The following FAM53B variants were observed in gnomAD, a reference collection of about 807,000 sequenced individuals.
FAM53B encodes family with sequence similarity 53 member B.
Under a neutral mutation model 32.7 loss-of-function variants are expected in FAM53B, and 12 were observed. The ratio of observed to expected loss-of-function variants is 0.37; its 90% CI spans 0.24 to 0.59. The LOEUF is 0.59. Ranked by LOEUF, FAM53B falls within the 20% of genes least tolerant of loss-of-function variation. FAM53B has a pLI of 0.72. For synonymous variants in FAM53B, 234 were observed against 228.7 expected (o/e 1.02, Z -0.21); for missense variants, 477 against 577.7 (o/e 0.83, Z 1.79).
At chr10:124,666,100 C>CT (rs1228748292) in intron 4 of FAM53B, among the ~76,000 whole-genome samples, 1 of 152,224 alleles carries the variant, frequency 6.6e-6, no homozygotes, top group African/African-American at 2.4e-5. Context: ...TGCCTAGACT[C>CT]TGAGGGCCCA....
intron 1 of FAM53B, among the ~76,000 whole-genome samples, chr10:124,738,320 T>C (rs1002093600): frequency 7.2e-5 from 11 of 151,952 alleles, no homozygotes; most frequent in South Asian, 4.1e-4. Context: ...CTCTCCAAGA[T>C]TGTGATGTAA....
chr10:124,653,807 G>T (rs1201497354), intron 4 of FAM53B, among the ~76,000 whole-genome samples: 1 of 152,234 alleles, frequency 6.6e-6, no homozygotes, highest in Admixed American at 6.5e-5. Context: ...CTGGACAGAT[G>T]GGGGAGTCCA....
intron 4 of FAM53B, chr10:124,667,514 T>G (rs1949680526): frequency 7.0e-6 from 5 of 713,738 alleles, no homozygotes; most frequent in East Asian, 5.4e-5. Flanking sequence ...GGCCTGGCAC[T>G]CCACCTGTGT....
chr10:124,705,961 C>T (rs1451511358), intron 2 of FAM53B, among the ~76,000 whole-genome samples: 1 of 152,242 alleles, frequency 6.6e-6, no homozygotes. Flanking sequence ...CACAAGACTG[C>T]TTATGACTGA....
intron 4 of FAM53B, among the ~76,000 whole-genome samples, chr10:124,654,838 C>T (rs999990612): frequency 1.3e-5 from 2 of 152,198 alleles, no homozygotes; most frequent in African/African-American, 4.8e-5. Flanking sequence ...GAGGCCCCGG[C>T]GTGCCTCTGC....
intron 1 of FAM53B, among the ~76,000 whole-genome samples, chr10:124,726,464 C>A (rs1003509158): frequency 6.6e-6 from 1 of 152,176 alleles, no homozygotes; most frequent in Non-Finnish European, 1.5e-5. Flanking sequence ...ATGCCCTGAC[C>A]AGTAGGTGAG....
At chr10:124,707,909 C>T (rs1949972477) in intron 1 of FAM53B, 1 of 152,236 alleles carries the variant, frequency 6.6e-6, no homozygotes, top group African/African-American at 2.4e-5. Context: ...CCATTCTGCA[C>T]AGCCTATCCG....
At chr10:124,729,851 A>G (rs1950129806) in intron 1 of FAM53B, among the ~76,000 whole-genome samples, 1 of 151,646 alleles carries the variant, frequency 6.6e-6, no homozygotes, top group Non-Finnish European at 1.5e-5. Context: ...GGTCTGATGA[A>G]CTGGAGATCT....
At chr10:124,737,658 T>C (rs994336137) in intron 1 of FAM53B, among the ~76,000 whole-genome samples, 2 of 152,156 alleles carry the variant, frequency 1.3e-5, no homozygotes, top group Non-Finnish European at 2.9e-5. Context: ...CAAGAAGCTC[T>C]CACTCTCCAA....
Position 124,686,934 on chromosome 10 carries a change from C to G in FAM53B, c.134-4555G>C, listed in dbSNP as rs1168224401. Among the ~76,000 whole-genome samples the G allele has an allele frequency of 7.2e-5, 11 of 152,356 alleles. No individual in the cohort carries two copies. The East Asian group carries it at 2.1e-3, about 29-fold the overall frequency. On this transcript the variant is annotated intron_variant, in intron 3 of 4. Transcript: ENST00000337318. ...TGACTCAGCAAGGAGATGGGGTTGA[C>G]AGAGTCACGTCTAAAATACTTTGGA... is the stretch of plus-strand genomic sequence containing the variant.
chr10:124,730,776 CAT>C (rs1209133680), intron 1 of FAM53B, among the ~76,000 whole-genome samples: 1 of 152,222 alleles, frequency 6.6e-6, no homozygotes, highest in East Asian at 1.9e-4. Flanking sequence ...TAAATTGCCA[CAT>C]GAGGCTACAG....
chr10:124,641,800 C>A (rs1039103821), intron 4 of FAM53B, among the ~76,000 whole-genome samples: 3 of 152,192 alleles, frequency 2.0e-5, no homozygotes, highest in African/African-American at 7.2e-5. Flanking sequence ...AGACGGCAAG[C>A]ACTGATAAGA....
rs377643607 is a variant in FAM53B at position 124,641,130 on chromosome 10, C to T, written c.907-17526G>A. On this transcript the variant is annotated intron_variant, in intron 4 of 4. Transcript: ENST00000337318. ...CACCCTCAGGGGCTGTCCAGAGTCC[C>T]GGGCAGCCTCCAACGGACCCCGACT... 6.8e-4 allele frequency among the ~76,000 whole-genome samples: 103 copies of T among 152,314 alleles called. 2 individuals are homozygous for T. The South Asian group carries it at 0.02, about 29-fold the overall frequency.
In FAM53B at chr10:124,622,880, A is replaced by C; in HGVS notation, c.*362T>G. The C allele has an allele frequency of 4.5e-5, 8 of 176,172 alleles. No homozygotes were observed. Among genetic ancestry groups the C allele is most frequent in the Middle Eastern group, 2.5e-3 (1 of 404 alleles). The allele number at this position is 176,172 out of a possible 1,614,324, so 10.9% of individuals were successfully genotyped here. On this transcript the variant is annotated 3_prime_UTR_variant, in exon 5 of 5. Coordinates refer to ENST00000337318, the MANE Select transcript of FAM53B (RefSeq NM_014661.4). The stretch of plus-strand genomic sequence containing the variant: ...CAGGCCCTCCCTGACAGCCCCCACC[A>C]CCAGGGGGATACAGAGCGGTGCCCA...
intron 1 of FAM53B, among the ~76,000 whole-genome samples, chr10:124,724,730 C>G (rs1589764747): frequency 6.6e-6 from 1 of 152,320 alleles, no homozygotes; most frequent in Non-Finnish European, 1.5e-5. Context: ...GTGACCCAAG[C>G]AGCTCGCCCA....
intron 4 of FAM53B, among the ~76,000 whole-genome samples, chr10:124,662,227 A>G (rs1442004713): frequency 6.6e-6 from 1 of 151,858 alleles, no homozygotes; most frequent in Non-Finnish European, 1.5e-5. Flanking sequence ...AAACAAGCAC[A>G]ACAATACCCA....
intron 4 of FAM53B, among the ~76,000 whole-genome samples, chr10:124,680,833 T>C (rs562547616): frequency 1.3e-5 from 2 of 152,130 alleles, no homozygotes; most frequent in South Asian, 4.2e-4. Context: ...CATCCTTGAG[T>C]CAGAGGTCAC....
intron 4 of FAM53B, among the ~76,000 whole-genome samples, chr10:124,671,586 G>A (rs1589745779): frequency 6.6e-6 from 1 of 152,206 alleles, no homozygotes; most frequent in Non-Finnish European, 1.5e-5. Context: ...AACAGCGGGG[G>A]CCTCCATACC....
chr10:124,681,275 G>C (rs1184672554), intron 4 of FAM53B, among the ~76,000 whole-genome samples: 1 of 152,156 alleles, frequency 6.6e-6, no homozygotes, highest in African/African-American at 2.4e-5. Context: ...GGCTTCCTGG[G>C]AGAGACGGCT....
Sources: gnomAD v4.1 joint callset for allele counts (sites outside exome capture counted in the v4.1 genomes callset) on GRCh38, gnomAD v4.1.1 for gene constraint, MANE v1.5 for transcripts, NCBI Gene and HGNC (gene_info 2026-07-23, HGNC 2026-07-21) for gene names.